PKHD1: variants seen among roughly 807,000 people sequenced by gnomAD.
PKHD1 encodes the protein PKHD1 ciliary IPT domain containing fibrocystin/polyductin, also known as fibrocystin.
A neutral mutation model predicts 412.0 loss-of-function variants in PKHD1; 291 were observed. The observed-to-expected ratio is 0.71, with a 90% confidence interval of 0.64 to 0.78. The LOEUF (loss-of-function observed/expected upper bound fraction) is 0.78. Ranked by LOEUF, PKHD1 falls within the 30% of genes least tolerant of loss-of-function variation. The probability of loss-of-function intolerance (pLI) is 0.00; values close to 1 mark genes in which losing one functional copy is unlikely to be tolerated. For missense variants in PKHD1, 4,825 were observed against 4,950.7 expected (o/e 0.97, Z 0.76); for synonymous variants, 1,777 against 1,821.5 (o/e 0.98, Z 0.62).
intron 54 of PKHD1, among the ~76,000 whole-genome samples, chr6:51,773,384 T>C (rs1380930937): frequency 1.3e-5 from 2 of 151,970 alleles, no homozygotes; most frequent in African/African-American, 4.8e-5. Context: ...TTTTCATGTC[T>C]TTCTTCCTAT....
chr6:51,884,960 T>C (rs1324015581), intron 45 of PKHD1, among the ~76,000 whole-genome samples: 3 of 152,212 alleles, frequency 2.0e-5, no homozygotes, highest in Admixed American at 6.5e-5. Context: ...GCTGTCCTAA[T>C]TGTATATTTT....
Position 51,748,120 on chromosome 6 carries a change from C to T in PKHD1, c.9496G>A (p.Glu3166Lys). ...GAMLHVENSV[E>K]IENITLVDNT... The stretch of plus-strand genomic sequence containing the variant: ...TCTACCAGAGTAATGTTCTCTATCT[C>T]CACGCTGTTCTCTACATGTAACATG... The change falls in exon 58 of 67, where the codon GAG becomes AAG. Residue 3166 changes from glutamate to lysine, a missense_variant. Glu to Lys is a moderately conservative substitution (Grantham distance 56). Coordinates refer to ENST00000371117, the MANE Select transcript of PKHD1 (RefSeq NM_138694.4). 1 of 1,613,934 alleles carries T rather than the reference C, an allele frequency of 6.2e-7. No homozygotes were observed. The highest frequency in any genetic ancestry group is 8.5e-7 in the Non-Finnish European group (1 of 1,179,846).
intron 55 of PKHD1, among the ~76,000 whole-genome samples, chr6:51,759,596 A>T (rs999912187): frequency 1.5e-4 from 23 of 152,108 alleles, no homozygotes; most frequent in African/African-American, 5.3e-4. Context: ...GAGGAGAGGA[A>T]GGGCTTGATA....
intron 35 of PKHD1, among the ~76,000 whole-genome samples, chr6:52,000,221 T>C (rs910438185): frequency 2.0e-5 from 3 of 152,236 alleles, no homozygotes; most frequent in African/African-American, 7.2e-5. Context: ...AACTGAGTTA[T>C]CCAGTCACCC....
At position 51,810,567 on chromosome 6, in the gene PKHD1, G is replaced by A. The variant is rs968867826; in HGVS notation, c.8303-19194C>T. 2.6e-5 allele frequency among the ~76,000 whole-genome samples: 4 copies of A among 152,026 alleles called. No homozygotes were observed. In the South Asian group the frequency reaches 8.3e-4, roughly 32 times the overall value. On this transcript the variant is annotated intron_variant, in intron 52 of 66. Transcript: ENST00000371117. ...TTTTGGTTCATCTTCTCCTTCTTCAGCCCACTGATACCATCCTTCACTCTG... is the reference window on the plus strand; with the variant it reads ...TTTTGGTTCATCTTCTCCTTCTTCAACCCACTGATACCATCCTTCACTCTG...
chr6:51,928,581 C>T (rs1375561055), intron 37 of PKHD1, among the ~76,000 whole-genome samples: 1 of 151,882 alleles, frequency 6.6e-6, no homozygotes, highest in Non-Finnish European at 1.5e-5. Context: ...AGTGCACTTT[C>T]CCCCTGGGCA....
intron 60 of PKHD1, among the ~76,000 whole-genome samples, chr6:51,732,705 G>T (rs1406837419): frequency 2.0e-5 from 3 of 152,188 alleles, no homozygotes; most frequent in African/African-American, 7.2e-5. Context: ...AAATGGTACA[G>T]TTATTGTGGG....
chr6:51,938,610 C>T (rs1293035856), intron 36 of PKHD1, among the ~76,000 whole-genome samples: 1 of 151,190 alleles, frequency 6.6e-6, no homozygotes, highest in Admixed American at 6.6e-5. Context: ...ACTCAGCCCA[C>T]CTGCACCCAG....
Position 52,055,744 on chromosome 6 carries a change from G to A in PKHD1, c.1694-15C>T. On this transcript the variant is annotated splice_polypyrimidine_tract_variant and intron_variant, in intron 18 of 66. Coordinates refer to ENST00000371117, the MANE Select transcript of PKHD1 (RefSeq NM_138694.4). ...AACTTCTGGGCCTGGATGCAGTTCA[G>A]ATAAAATAGAAAGGCAGGCATAGAT... 1 of 1,613,406 alleles carries A rather than the reference G, an allele frequency of 6.2e-7. No individual in the cohort carries two copies. Among genetic ancestry groups the A allele is most frequent in the Non-Finnish European group, 8.5e-7 (1 of 1,179,562 alleles).
intron 43 of PKHD1, among the ~76,000 whole-genome samples, chr6:51,899,552 C>A (rs543937646): frequency 7.3e-5 from 11 of 151,078 alleles, no homozygotes; most frequent in South Asian, 4.3e-4. Flanking sequence ...AAACCCACAG[C>A]CAATATCATA....
chr6:51,777,679 G>GA (rs59379021), intron 53 of PKHD1, among the ~76,000 whole-genome samples: 3,065 of 117,124 alleles, frequency 0.026, 98 homozygotes, highest in Non-Finnish European at 0.04. Context: ...GAGTCTTTGG[G>GA]AAAAAAAAAA....
intron 35 of PKHD1, among the ~76,000 whole-genome samples, chr6:52,004,156 T>C (rs1032094223): frequency 6.6e-6 from 1 of 152,154 alleles, no homozygotes; most frequent in Non-Finnish European, 1.5e-5. Context: ...TACTTTATAT[T>C]GACTTAGAGA....
chr6:52,060,503 A>G (rs1457255233), intron 14 of PKHD1, among the ~76,000 whole-genome samples: 2 of 152,368 alleles, frequency 1.3e-5, no homozygotes, highest in East Asian at 3.9e-4. Flanking sequence ...TGATCCACAG[A>G]TAAGCGTCAA....
intron 55 of PKHD1, among the ~76,000 whole-genome samples, chr6:51,765,332 GT>G (rs1788805924): frequency 6.6e-6 from 1 of 152,110 alleles, no homozygotes; most frequent in African/African-American, 2.4e-5. Flanking sequence ...AGCCAGAGAA[GT>G]TTTTTAAACA....
intron 38 of PKHD1, 34 bp downstream of exon 38, chr6:51,912,332 T>G (rs763278712): frequency 7.4e-7 from 1 of 1,345,916 alleles, no homozygotes; most frequent in South Asian, 1.2e-5. Flanking sequence ...CTCATCTTCT[T>G]CCATGTCAAC....
chr6:52,013,837 A>T (rs1463850860), intron 34 of PKHD1, among the ~76,000 whole-genome samples: 2 of 152,182 alleles, frequency 1.3e-5, no homozygotes, highest in Non-Finnish European at 2.9e-5. Flanking sequence ...GCTCCTTAGG[A>T]TAGGTAGGGA....
At position 51,819,349 on chromosome 6, in the gene PKHD1, T is replaced by A. The variant is rs1765998755; in HGVS notation, c.8302+11512A>T. Among the ~76,000 whole-genome samples the A allele has an allele frequency of 1.3e-5, 2 of 152,218 alleles. 1 individual carries two copies. The highest frequency in any genetic ancestry group is 4.1e-4 in the South Asian group (2 of 4,832). ...CAAATTTGTTTGACTTACTTTTTTTTCCATGTGATGCTTACAGGGAGCTAG... is the reference window on the plus strand; with the variant it reads ...CAAATTTGTTTGACTTACTTTTTTTACCATGTGATGCTTACAGGGAGCTAG... On this transcript the variant is annotated intron_variant, in intron 52 of 66. Coordinates refer to ENST00000371117, the MANE Select transcript of PKHD1 (RefSeq NM_138694.4).
At chr6:51,658,053 C>A (rs1772182528) in intron 61 of PKHD1, among the ~76,000 whole-genome samples, 1 of 152,040 alleles carries the variant, frequency 6.6e-6, no homozygotes, top group Non-Finnish European at 1.5e-5. Flanking sequence ...AGCTAAGATG[C>A]ATCAGCATCA....
In PKHD1 at chr6:51,616,680, T is replaced by C. The variant is rs1039874993; in HGVS notation, c.*2401A>G. 5 of 398,362 alleles carry C rather than the reference T, an allele frequency of 1.3e-5. No individual in the cohort carries two copies. Among genetic ancestry groups the C allele is most frequent in the African/African-American group, 1.0e-4 (5 of 48,620 alleles). 24.7% of individuals were successfully genotyped at this position (398,362 alleles called of 1,614,324 possible). A position where few individuals can be genotyped will look rare whatever the true frequency, so the allele number is the denominator to read the frequency against. ...TAGGCCCAAAGAGTCAATTCTGGCCTCAGGGATCACAGGCTTTTCTGGGAT... is the reference window on the plus strand; with the variant it reads ...TAGGCCCAAAGAGTCAATTCTGGCCCCAGGGATCACAGGCTTTTCTGGGAT... On this transcript the variant is annotated 3_prime_UTR_variant, in exon 67 of 67. Coordinates refer to ENST00000371117, the MANE Select transcript of PKHD1 (RefSeq NM_138694.4).
Sources: allele counts gnomAD v4.1 joint callset (sites outside exome capture counted in the v4.1 genomes callset), GRCh38; gene constraint gnomAD v4.1.1; transcripts MANE v1.5; gene names NCBI Gene and HGNC (gene_info 2026-07-23, HGNC 2026-07-21).